FSIP1: variants seen among roughly 807,000 people sequenced by gnomAD.
FSIP1 encodes the protein fibrous sheath-interacting protein 1.
FSIP1 carries 65 observed loss-of-function variants against 60.9 expected under a neutral mutation model. The ratio of observed to expected loss-of-function variants is 1.07; its 90% CI spans 0.87 to 1.31. The LOEUF (loss-of-function observed/expected upper bound fraction) is 1.31, where lower values mean the gene tolerates loss of function less well. FSIP1 is among the 40% of genes most tolerant of loss of function. The pLI is 0.00. For synonymous variants in FSIP1, 209 were observed against 221.2 expected, an observed-to-expected ratio of 0.94 and a Z score of 0.49; for missense variants, 675 against 665.5, an observed-to-expected ratio of 1.01 and a Z score of -0.16.
rs771837678 is a variant in FSIP1, at chr15:39,739,796, T to C, written c.656-7A>G. On this transcript the variant is annotated splice_region_variant and splice_polypyrimidine_tract_variant and intron_variant, in intron 6 of 11. Transcript: ENST00000350221. ...TCCACATCACAGGTAAAATCTAATA[T>C]TAAAAAAGTTCAAAATTTTTTCATA... The C allele has an allele frequency of 2.6e-6, 4 of 1,534,118 alleles. No homozygotes were observed. Among genetic ancestry groups the C allele is most frequent in the South Asian group, 1.2e-5 (1 of 80,330 alleles).
At chr15:39,654,538 T>C (rs925864743) in intron 10 of FSIP1, among the ~76,000 whole-genome samples, 6 of 152,256 alleles carry the variant, frequency 3.9e-5, no homozygotes, top group Admixed American at 2.6e-4. Flanking sequence ...GGATCATTTA[T>C]AGAAAAACTG....
At chr15:39,776,304 G>A (rs1005706633) in intron 2 of FSIP1, 95 bp downstream of exon 2, 78 of 1,234,354 alleles carry the variant, frequency 6.3e-5, no homozygotes, top group South Asian at 1.9e-4. Flanking sequence ...CGTCTAAGGA[G>A]AAAATTTAAA....
intron 10 of FSIP1, among the ~76,000 whole-genome samples, chr15:39,684,299 A>G (rs980445548): frequency 3.3e-5 from 5 of 152,220 alleles, no homozygotes; most frequent in African/African-American, 1.2e-4. Flanking sequence ...TTTAAAATAA[A>G]CCAAATATAA....
intron 10 of FSIP1, among the ~76,000 whole-genome samples, chr15:39,704,192 T>C (rs1475740183): frequency 6.6e-6 from 1 of 152,242 alleles, no homozygotes; most frequent in East Asian, 1.9e-4. Flanking sequence ...ATACTCTAAA[T>C]ACCAATTGTA....
At chr15:39,746,316 A>G (rs115853009) in intron 5 of FSIP1, among the ~76,000 whole-genome samples, 2,546 of 152,214 alleles carry the variant, frequency 0.017, 87 homozygotes, top group African/African-American at 0.059. Context: ...AGATAAAAGG[A>G]AAAAAACAAC....
intron 5 of FSIP1, among the ~76,000 whole-genome samples, chr15:39,757,591 AT>A (rs112220109): frequency 1.3e-5 from 2 of 152,134 alleles, no homozygotes; most frequent in Non-Finnish European, 2.9e-5. Context: ...GTTTTTAAGA[AT>A]TTAAAAAAAA....
At chr15:39,708,628 T>A (rs190483932) in intron 10 of FSIP1, among the ~76,000 whole-genome samples, 1 of 152,318 alleles carries the variant, frequency 6.6e-6, no homozygotes, top group East Asian at 1.9e-4. Context: ...TAGTCCCTTC[T>A]TTGCTGGGCT....
At chr15:39,781,710 ATTCAAAAGGCCACAGGGTGT>A (rs995280517) in intron 1 of FSIP1, among the ~76,000 whole-genome samples, 1 of 152,262 alleles carries the variant, frequency 6.6e-6, no homozygotes, top group Admixed American at 6.5e-5. Context: ...AAGAAGCCTG[ATTCAAAAGGCCACAGGGTGT>A]TTGCTTCCAT....
chr15:39,680,322 T>G (rs995762445), intron 10 of FSIP1, among the ~76,000 whole-genome samples: 1 of 152,216 alleles, frequency 6.6e-6, no homozygotes, highest in African/African-American at 2.4e-5. Flanking sequence ...ATTCAGAGCA[T>G]CTGACAGACA....
intron 5 of FSIP1, among the ~76,000 whole-genome samples, chr15:39,749,731 T>C (rs1388243722): frequency 3.3e-5 from 5 of 152,034 alleles, no homozygotes; most frequent in Non-Finnish European, 7.4e-5. Context: ...ACGGAAAGCT[T>C]TTCCTCTGAG....
Position 39,600,595 on chromosome 15 carries a change from T to C in FSIP1, c.*285A>G, listed in dbSNP as rs1890603710. 2 of 302,062 alleles carry C rather than the reference T, an allele frequency of 6.6e-6. No individual in the cohort carries two copies. Among genetic ancestry groups the C allele is most frequent in the African/African-American group, 4.5e-5 (2 of 44,942 alleles). 18.7% of individuals were successfully genotyped at this position (302,062 alleles called of 1,614,324 possible). A position where few individuals can be genotyped will look rare whatever the true frequency, so the allele number is the denominator to read the frequency against. On this transcript the variant is annotated 3_prime_UTR_variant, in exon 12 of 12. Coordinates refer to ENST00000350221, the MANE Select transcript of FSIP1 (RefSeq NM_152597.5). ...CTTCAACGAGTTTTACCCTAACACG[T>C]ATACATTAAAATGTTGGTTTTTATA...
At chr15:39,649,075 C>G (rs1217711238) in intron 10 of FSIP1, among the ~76,000 whole-genome samples, 1 of 152,056 alleles carries the variant, frequency 6.6e-6, no homozygotes, top group Non-Finnish European at 1.5e-5. Flanking sequence ...AGCTCAAAAG[C>G]TGAGTACCAT....
At chr15:39,752,654 A>C (rs1008973639) in intron 5 of FSIP1, among the ~76,000 whole-genome samples, 2 of 152,018 alleles carry the variant, frequency 1.3e-5, no homozygotes, top group Admixed American at 1.3e-4. Flanking sequence ...CATTAAAAAT[A>C]AAAAAAGTCT....
intron 1 of FSIP1, among the ~76,000 whole-genome samples, chr15:39,777,432 A>C (rs1158635341): frequency 6.6e-6 from 1 of 152,218 alleles, no homozygotes; most frequent in East Asian, 1.9e-4. Flanking sequence ...ATTAAAGGAC[A>C]GATTTTCATT....
chr15:39,661,926 C>T (rs1008252305), intron 10 of FSIP1, among the ~76,000 whole-genome samples: 7 of 152,294 alleles, frequency 4.6e-5, no homozygotes, highest in African/African-American at 1.7e-4. Context: ...TTAACACCTT[C>T]TAATACAGCA....
intron 10 of FSIP1, among the ~76,000 whole-genome samples, chr15:39,643,879 TC>T (rs1411805910): frequency 2.6e-5 from 4 of 152,230 alleles, no homozygotes; most frequent in Non-Finnish European, 5.9e-5. Context: ...ATCACATTTT[TC>T]AACCTTCCAG....
chr15:39,768,496 A>G (rs1897766220), intron 3 of FSIP1, among the ~76,000 whole-genome samples: 2 of 152,262 alleles, frequency 1.3e-5, no homozygotes, highest in Non-Finnish European at 2.9e-5. Context: ...ATCACATTTT[A>G]TAACAAATAA....
intron 10 of FSIP1, among the ~76,000 whole-genome samples, chr15:39,631,071 C>G (rs1216592053): frequency 6.6e-6 from 1 of 152,208 alleles, no homozygotes; most frequent in African/African-American, 2.4e-5. Flanking sequence ...GGCACCAGGT[C>G]CTCCTCATCT....
At chr15:39,777,918 C>G (rs548036670) in intron 1 of FSIP1, among the ~76,000 whole-genome samples, 65 of 152,246 alleles carry the variant, frequency 4.3e-4, no homozygotes, top group South Asian at 1.2e-3. Flanking sequence ...AAGCTGTGGA[C>G]ACAGGAGAAA....
Sources: allele counts gnomAD v4.1 joint callset (sites outside exome capture counted in the v4.1 genomes callset), GRCh38; gene constraint gnomAD v4.1.1; transcripts MANE v1.5; gene names NCBI Gene and HGNC (gene_info 2026-07-23, HGNC 2026-07-21).